Variants in CCDC148 observed in about 807,000 individuals in gnomAD.
The protein encoded by CCDC148 is coiled-coil domain-containing protein 148.
A neutral mutation model predicts 85.7 loss-of-function variants in CCDC148; 89 were observed. That is an observed-to-expected ratio of 1.04 (90% CI 0.87 to 1.24). The LOEUF is 1.24. CCDC148 is among the 50% of genes most tolerant of loss of function. The probability of loss-of-function intolerance (pLI) is 0.00; values close to 1 mark genes in which losing one functional copy is unlikely to be tolerated. For missense variants in CCDC148, 692 were observed against 671.7 expected (o/e 1.03, Z -0.33); for synonymous variants, 230 against 213.9 (o/e 1.08, Z -0.66).
At chr2:158,416,772 C>T (rs1268629914) in intron 1 of CCDC148, among the ~76,000 whole-genome samples, 1 of 152,184 alleles carries the variant, frequency 6.6e-6, no homozygotes, top group African/African-American at 2.4e-5. Context: ...AAAGTCACTT[C>T]CACATTTTCA....
In CCDC148 at chr2:158,455,206, A is replaced by T. The variant is rs374424058; in HGVS notation, c.25+1209T>A. ...AAAACACACATTAAAAAGCCGGAAGAAGTAAAAAACAGCCTATTTCCATGA... is the reference window on the plus strand; with the variant it reads ...AAAACACACATTAAAAAGCCGGAAGTAGTAAAAAACAGCCTATTTCCATGA... On this transcript the variant is annotated intron_variant, in intron 1 of 13. Transcript: ENST00000283233. Among the ~76,000 whole-genome samples the T allele has an allele frequency of 5.3e-5, 8 of 152,344 alleles. No homozygotes were observed. In the East Asian group the frequency reaches 1.3e-3, roughly 26 times the overall value.
chr2:158,224,336 T>C (rs1414545258), intron 10 of CCDC148, among the ~76,000 whole-genome samples: 2 of 152,296 alleles, frequency 1.3e-5, no homozygotes, highest in Non-Finnish European at 2.9e-5. Flanking sequence ...AATCTACATC[T>C]GATTGGTGTA....
chr2:158,225,123 A>T (rs1687432404), intron 10 of CCDC148, among the ~76,000 whole-genome samples: 3 of 152,274 alleles, frequency 2.0e-5, no homozygotes, highest in African/African-American at 4.8e-5. Context: ...ACCAAGCAAA[A>T]GGAAAACAAA....
intron 11 of CCDC148, among the ~76,000 whole-genome samples, chr2:158,195,929 T>A (rs548247560): frequency 6.6e-6 from 1 of 152,128 alleles, no homozygotes; most frequent in Middle Eastern, 3.2e-3. Context: ...ACAGCAGATA[T>A]AGCACATCAG....
At chr2:158,173,894 TTC>T (rs1684442365) in intron 13 of CCDC148, among the ~76,000 whole-genome samples, 1 of 152,012 alleles carries the variant, frequency 6.6e-6, no homozygotes, top group Admixed American at 6.6e-5. Context: ...TTTTTTATTA[TTC>T]AATTTTTGCA....
chr2:158,361,640 C>T (rs2105270296), intron 1 of CCDC148, among the ~76,000 whole-genome samples: 1 of 152,218 alleles, frequency 6.6e-6, no homozygotes, highest in Non-Finnish European at 1.5e-5. Flanking sequence ...ATTTTGTCAC[C>T]ACCAGGCCTG....
intron 9 of CCDC148, among the ~76,000 whole-genome samples, chr2:158,283,380 T>A (rs1350996723): frequency 6.6e-6 from 1 of 152,230 alleles, no homozygotes; most frequent in Non-Finnish European, 1.5e-5. Flanking sequence ...AATCTACTCA[T>A]CTGACAAAGA....
chr2:158,407,217 T>C (rs1336356916), intron 1 of CCDC148, among the ~76,000 whole-genome samples: 1 of 152,182 alleles, frequency 6.6e-6, no homozygotes, highest in Admixed American at 6.5e-5. Context: ...CCCTGAATTC[T>C]CATTTCTAAA....
At chr2:158,372,763 T>C (rs903868062) in intron 1 of CCDC148, among the ~76,000 whole-genome samples, 1 of 152,078 alleles carries the variant, frequency 6.6e-6, no homozygotes, top group Non-Finnish European at 1.5e-5. Flanking sequence ...AAATACATCA[T>C]AGAACTCCCT....
chr2:158,179,026 G>C, intron 11 of CCDC148, 30 bp from the exon 12 acceptor site: 1 of 1,519,060 alleles, frequency 6.6e-7, no homozygotes, highest in Non-Finnish European at 9.1e-7. Flanking sequence ...GGAAGTTGTG[G>C]AAGCATCATA....
chr2:158,340,401 G>A lies in CCDC148; in HGVS notation c.335-8C>T. On this transcript the variant is annotated splice_polypyrimidine_tract_variant and splice_region_variant and intron_variant, in intron 4 of 13. Transcript: ENST00000283233. ...GTTCTGATAGCTCTTGCTCTATGGT[G>A]AAACAAAATTGAATTAAAGGAACAC... is the stretch of plus-strand genomic sequence containing the variant. 2 of 1,611,444 alleles carry A rather than the reference G, an allele frequency of 1.2e-6. No individual in the cohort carries two copies. The highest frequency in any genetic ancestry group is 1.1e-5 in the South Asian group (1 of 90,820).
chr2:158,206,030 T>C (rs767004651), intron 11 of CCDC148, among the ~76,000 whole-genome samples: 3 of 152,188 alleles, frequency 2.0e-5, no homozygotes, highest in Admixed American at 6.5e-5. Context: ...GTGATCATTA[T>C]GATAACTATC....
rs530835935 is a variant in CCDC148, at chr2:158,260,346, T to C, written c.1111-9434A>G. Among the ~76,000 whole-genome samples, 250 of 152,154 alleles carry C rather than the reference T, an allele frequency of 1.6e-3. 1 individual carries two copies. The highest frequency in any genetic ancestry group is 3.4e-3 in the Middle Eastern group (1 of 294). On this transcript the variant is annotated intron_variant, in intron 9 of 13. Transcript: ENST00000283233. The stretch of plus-strand genomic sequence containing the variant: ...TTAAACACTCTCAATAAACTAGGTA[T>C]TGAATGAGCATAACTCAAAATAATA...
intron 1 of CCDC148, among the ~76,000 whole-genome samples, chr2:158,425,949 T>C (rs183402038): frequency 4.6e-5 from 7 of 152,254 alleles, no homozygotes; most frequent in East Asian, 3.9e-4. Context: ...TTTTGCTTTG[T>C]TCTTGTCTCT....
At chr2:158,302,525 C>A (rs539899224) in intron 9 of CCDC148, among the ~76,000 whole-genome samples, 48 of 152,280 alleles carry the variant, frequency 3.2e-4, no homozygotes, top group African/African-American at 1.1e-3. Context: ...GTGGCTCACA[C>A]TGGTAATCCC....
chr2:158,299,341 A>C (rs2105197420), intron 9 of CCDC148, among the ~76,000 whole-genome samples: 1 of 152,342 alleles, frequency 6.6e-6, no homozygotes, highest in South Asian at 2.1e-4. Flanking sequence ...CAAAGGACCC[A>C]AGGAATATTT....
intron 9 of CCDC148, among the ~76,000 whole-genome samples, chr2:158,289,634 C>T (rs376373550): frequency 6.6e-6 from 1 of 152,146 alleles, no homozygotes; most frequent in African/African-American, 2.4e-5. Context: ...GTAGCTGGTA[C>T]AAGTTCTGGT....
chr2:158,377,265 G>T (rs74704743), intron 1 of CCDC148, among the ~76,000 whole-genome samples: 10,828 of 151,478 alleles, frequency 0.071, 531 homozygotes, highest in South Asian at 0.13. Context: ...GGAGGGGTAG[G>T]GTGTGTCGAT....
chr2:158,429,037 C>T (rs1272683919), intron 1 of CCDC148, among the ~76,000 whole-genome samples: 4 of 150,278 alleles, frequency 2.7e-5, no homozygotes, highest in African/African-American at 2.4e-5. Context: ...ATCACAAGGA[C>T]GGGAAACCAA....
Sources: allele counts gnomAD v4.1 joint callset (sites outside exome capture counted in the v4.1 genomes callset), GRCh38; gene constraint gnomAD v4.1.1; transcripts MANE v1.5; gene names NCBI Gene and HGNC (gene_info 2026-07-23, HGNC 2026-07-21).